Variants in CEP112 observed in about 807,000 individuals in gnomAD.
The protein encoded by CEP112 is centrosomal protein 112.
A neutral mutation model predicts 153.0 loss-of-function variants in CEP112; 127 were observed. That is an observed-to-expected ratio of 0.83 (90% confidence interval 0.72 to 0.96). The LOEUF is 0.96. Among genes scored for constraint, CEP112 ranks in the 40% least tolerant of loss-of-function variants. The pLI is 0.00. For synonymous variants in CEP112, 358 were observed against 374.4 expected, an observed-to-expected ratio of 0.96 and a Z score of 0.51; for missense variants, 1,089 against 1,101.2, an observed-to-expected ratio of 0.99 and a Z score of 0.16.
chr17:65,779,660 T>C (rs1217224303), intron 21 of CEP112, among the ~76,000 whole-genome samples: 2 of 152,170 alleles, frequency 1.3e-5, no homozygotes, highest in African/African-American at 4.8e-5. Context: ...TCTAGAAAAT[T>C]GACTGAATCA....
At chr17:66,083,590 T>C (rs949318902) in intron 8 of CEP112, among the ~76,000 whole-genome samples, 13 of 152,214 alleles carry the variant, frequency 8.5e-5, no homozygotes, top group African/African-American at 3.1e-4. Context: ...GGCTCACGCC[T>C]GTAATTCTAG....
rs557833954 is a variant in CEP112, at chr17:66,132,026, A to G, written c.564+644T>C. On this transcript the variant is annotated intron_variant, in intron 5 of 26. Coordinates refer to ENST00000535342, the MANE Select transcript of CEP112 (RefSeq NM_001199165.4). Reference sequence around the variant, plus strand: ...TCTACTAAAGATACAAAAATTAGCCAGGCATGGTGGTGCATGCCTGTAGTC... The same window carrying G: ...TCTACTAAAGATACAAAAATTAGCCGGGCATGGTGGTGCATGCCTGTAGTC... Among the ~76,000 whole-genome samples, 353 of 151,296 alleles carry G rather than the reference A, an allele frequency of 2.3e-3. 2 individuals are homozygous for G. The highest frequency in any genetic ancestry group is 8.1e-3 in the African/African-American group (332 of 41,204).
chr17:65,701,447 A>G (rs551716297), intron 23 of CEP112, among the ~76,000 whole-genome samples: 17 of 152,352 alleles, frequency 1.1e-4, no homozygotes, highest in Admixed American at 1.1e-3. Context: ...GTGTCAAAAA[A>G]GAAATCATGG....
At chr17:66,175,280 C>T in intron 3 of CEP112, 64 bp from the exon 4 acceptor site, 1 of 1,202,832 alleles carries the variant, frequency 8.3e-7, no homozygotes, top group Non-Finnish European at 1.1e-6. Context: ...ACTAAAATTT[C>T]CATCAAGTTT....
At chr17:66,140,857 G>A (rs2070664957) in intron 4 of CEP112, among the ~76,000 whole-genome samples, 1 of 151,902 alleles carries the variant, frequency 6.6e-6, no homozygotes, top group Admixed American at 6.6e-5. Context: ...ATGTTGGTCA[G>A]GCTGGTCTCA....
At chr17:65,675,436 C>A (rs1044390307) in intron 24 of CEP112, among the ~76,000 whole-genome samples, 3 of 152,052 alleles carry the variant, frequency 2.0e-5, no homozygotes, top group Non-Finnish European at 4.4e-5. Flanking sequence ...GAATGCCTGA[C>A]CTCAAGTGAT....
intron 10 of CEP112, among the ~76,000 whole-genome samples, chr17:66,065,578 C>T (rs1478468682): frequency 6.6e-6 from 1 of 151,940 alleles, no homozygotes; most frequent in Non-Finnish European, 1.5e-5. Context: ...ATCTAAAATT[C>T]AAGGTCATAC....
chr17:66,146,788 T>C (rs2070938110), intron 4 of CEP112, among the ~76,000 whole-genome samples: 1 of 152,174 alleles, frequency 6.6e-6, no homozygotes, highest in Non-Finnish European at 1.5e-5. Context: ...ACTGGTTTAT[T>C]CACTTAGCAT....
chr17:65,899,161 A>G lies in CEP112; in HGVS notation c.2163+2991T>C, dbSNP rs1002495378. Among the ~76,000 whole-genome samples the G allele has an allele frequency of 2.0e-5, 3 of 152,200 alleles. No individual in the cohort carries two copies. In the East Asian group the frequency reaches 5.8e-4, roughly 29 times the overall value. ...GAGATCATTCTCCAAAATAATTTCA[A>G]TAAGAGAGACCTGGTAAATGAGAAA... On this transcript the variant is annotated intron_variant, in intron 20 of 26. Coordinates refer to ENST00000535342, the MANE Select transcript of CEP112 (RefSeq NM_001199165.4).
intron 18 of CEP112, among the ~76,000 whole-genome samples, chr17:65,928,207 A>G (rs563236800): frequency 6.6e-6 from 1 of 152,372 alleles, no homozygotes; most frequent in Non-Finnish European, 1.5e-5. Flanking sequence ...AAGCAACTAC[A>G]AATTAAAACA....
intron 2 of CEP112, among the ~76,000 whole-genome samples, chr17:66,179,846 T>C (rs1052845213): frequency 1.1e-4 from 16 of 152,158 alleles, no homozygotes; most frequent in Non-Finnish European, 1.0e-4. Flanking sequence ...AATTTTATTA[T>C]GTTGAGGACT....
At chr17:65,970,859 C>G (rs1339701174) in intron 17 of CEP112, among the ~76,000 whole-genome samples, 1 of 45,658 alleles carries the variant, frequency 2.2e-5, no homozygotes, top group Non-Finnish European at 4.7e-5. Flanking sequence ...TCATGTATAT[C>G]TGCATGCTGC....
At chr17:66,167,975 C>T (rs2072050394) in intron 4 of CEP112, among the ~76,000 whole-genome samples, 1 of 152,146 alleles carries the variant, frequency 6.6e-6, no homozygotes, top group Non-Finnish European at 1.5e-5. Context: ...AATCCACAAA[C>T]ATTTATTTAC....
chr17:65,855,952 T>C lies in CEP112; in HGVS notation c.2164-3918A>G, dbSNP rs577398489. Among the ~76,000 whole-genome samples, 6 of 152,118 alleles carry C rather than the reference T, an allele frequency of 3.9e-5. No homozygotes were observed. The East Asian group carries it at 1.2e-3, about 29-fold the overall frequency. On this transcript the variant is annotated intron_variant, in intron 20 of 26. Transcript: ENST00000535342. ...GGTGGGGTGTGCCTGTAGTCCCAGC[T>C]ACTCAGGAGGCTGAGGAAAGAAGAT...
At chr17:65,809,660 T>C (rs1416186342) in intron 21 of CEP112, among the ~76,000 whole-genome samples, 1 of 152,156 alleles carries the variant, frequency 6.6e-6, no homozygotes, top group Non-Finnish European at 1.5e-5. Flanking sequence ...AATTAAGAGC[T>C]CTGTTTCAGA....
rs1223779211 is a variant in CEP112, at chr17:65,712,880, G to A, written c.2608-23662C>T. 2.0e-5 allele frequency among the ~76,000 whole-genome samples: 3 copies of A among 152,064 alleles called. No individual in the cohort carries two copies. The East Asian group carries it at 5.8e-4, about 29-fold the overall frequency. ...GAGAGCTGTGCTTATCGGCAGTGCA[G>A]AACTATAATGAGGCTTGCATTCATG... On this transcript the variant is annotated intron_variant, in intron 23 of 26. Coordinates refer to ENST00000535342, the MANE Select transcript of CEP112 (RefSeq NM_001199165.4).
rs1218978308 is a variant in CEP112 at position 66,035,008 on chromosome 17, A to ATTTTT, written c.1219-4990_1219-4986dup. Among the ~76,000 whole-genome samples the ATTTTT allele has an allele frequency of 5.8e-3, 420 of 72,184 alleles. 26 individuals are homozygous for ATTTTT. The highest frequency in any genetic ancestry group is 0.048 in the Admixed American group (225 of 4,670). The allele number at this position is 72,184 out of a possible 152,430, so 47.4% of individuals were successfully genotyped here. On this transcript the variant is annotated intron_variant, in intron 12 of 26. Coordinates refer to ENST00000535342, the MANE Select transcript of CEP112 (RefSeq NM_001199165.4). ...TATATATATACATATATATATATAT[A>ATTTTT]TTTTTTTTTTTAGTAGAGATGGAGT...
chr17:65,728,078 T>C (rs1174412868), intron 23 of CEP112, among the ~76,000 whole-genome samples: 1 of 152,264 alleles, frequency 6.6e-6, no homozygotes, highest in African/African-American at 2.4e-5. Flanking sequence ...ATACTGTCTA[T>C]GGCTGCTCTC....
intron 16 of CEP112, among the ~76,000 whole-genome samples, chr17:66,026,994 C>G (rs1249183264): frequency 1.3e-5 from 2 of 152,060 alleles, no homozygotes; most frequent in African/African-American, 4.8e-5. Context: ...GTTGATATAA[C>G]TAATAATTGA....
Sources: gnomAD v4.1 joint callset for allele counts (sites outside exome capture counted in the v4.1 genomes callset) on GRCh38, gnomAD v4.1.1 for gene constraint, MANE v1.5 for transcripts, NCBI Gene and HGNC (gene_info 2026-07-23, HGNC 2026-07-21) for gene names.